Variants in IQSEC1 observed in about 807,000 individuals in gnomAD.
IQSEC1 encodes the protein IQ motif and Sec7 domain ArfGEF 1.
In IQSEC1, 31 loss-of-function variants were observed where a neutral mutation model predicts 91.0. The ratio of observed to expected loss-of-function variants is 0.34; its 90% CI spans 0.26 to 0.46. The LOEUF (loss-of-function observed/expected upper bound fraction) is 0.46, where lower values mean the gene tolerates loss of function less well. IQSEC1 is among the 20% of genes least tolerant of loss of function. The pLI is 1.00. For synonymous variants in IQSEC1, 699 were observed against 662.6 expected (o/e 1.05, Z -0.84); for missense variants, 1,388 against 1,575.6 (o/e 0.88, Z 2.02).
rs1213830618 is a variant in IQSEC1 at position 12,902,670 on chromosome 3, C to CAAAAAAAAAAAAA, written c.2805+90_2805+102dup. 67 of 192,636 alleles carry CAAAAAAAAAAAAA rather than the reference C, an allele frequency of 3.5e-4. 2 individuals carry two copies. Among genetic ancestry groups the CAAAAAAAAAAAAA allele is most frequent in the Admixed American group, 6.8e-4 (7 of 10,282 alleles). The allele number at this position is 192,636 out of a possible 1,614,324, so 11.9% of individuals were successfully genotyped here. On this transcript the variant is annotated intron_variant, in intron 13 of 13. Transcript: ENST00000613206. The stretch of plus-strand genomic sequence containing the variant: ...AAAAAAAAAACAACAAAAAAAAAAC[C>CAAAAAAAAAAAAA]AAAAAAAAAAAAAAAAAAAAAAAAC...
At chr3:13,164,522 A>C (rs998401641) in intron 1 of IQSEC1, among the ~76,000 whole-genome samples, 4 of 152,232 alleles carry the variant, frequency 2.6e-5, no homozygotes, top group Non-Finnish European at 5.9e-5. Flanking sequence ...TGAATGAATG[A>C]ATAAGTGAGA....
At chr3:13,038,600 G>T (rs1576201100) in intron 1 of IQSEC1, among the ~76,000 whole-genome samples, 1 of 151,992 alleles carries the variant, frequency 6.6e-6, no homozygotes, top group Non-Finnish European at 1.5e-5. Flanking sequence ...GCACAATAGG[G>T]TGACTATAGC....
chr3:13,262,535 C>A (rs893550631), intron 1 of IQSEC1, among the ~76,000 whole-genome samples: 2 of 152,188 alleles, frequency 1.3e-5, no homozygotes, highest in East Asian at 3.8e-4. Context: ...CCACATCACC[C>A]CAGCACCCAG....
At chr3:13,185,082 C>T (rs893188829) in intron 1 of IQSEC1, among the ~76,000 whole-genome samples, 1 of 152,130 alleles carries the variant, frequency 6.6e-6, no homozygotes, top group Non-Finnish European at 1.5e-5. Flanking sequence ...GAGGGTTTCC[C>T]ACTCCCACCC....
chr3:13,103,785 C>T lies in IQSEC1; in HGVS notation c.303-56263G>A, dbSNP rs1016778782. 5.5e-4 allele frequency among the ~76,000 whole-genome samples: 84 copies of T among 152,288 alleles called. 2 individuals are homozygous for T. Among genetic ancestry groups the T allele is most frequent in the Admixed American group, 1.0e-3 (16 of 15,298 alleles). ...GTATTCCATGTTGCCTACCACCCTA[C>T]GAGGGCAGGGGCTGTGTCTGCCTCC... is the stretch of plus-strand genomic sequence containing the variant. On this transcript the variant is annotated intron_variant, in intron 2 of 15. Transcript: ENST00000648114. This position sits in a 1 kb window ranked among gnomAD's most constrained non-coding sequence, Gnocchi z 4.1.
chr3:13,191,435 G>C (rs1694028125), intron 1 of IQSEC1, among the ~76,000 whole-genome samples: 1 of 147,998 alleles, frequency 6.8e-6, no homozygotes, highest in Admixed American at 6.7e-5. Context: ...GTGAGCACAT[G>C]TGTATTTCCA....
chr3:13,266,073 G>A (rs1014811390), intron 1 of IQSEC1, among the ~76,000 whole-genome samples: 4 of 151,756 alleles, frequency 2.6e-5, no homozygotes, highest in South Asian at 2.1e-4. Context: ...ACTATGGAGC[G>A]AGTGCTCCCA....
At chr3:12,911,397 A>G (rs1695539694) in intron 10 of IQSEC1, among the ~76,000 whole-genome samples, 2 of 152,264 alleles carry the variant, frequency 1.3e-5, no homozygotes, top group Admixed American at 1.3e-4. Flanking sequence ...AAGTACCAGT[A>G]AAAGCAAACT....
At chr3:13,244,888 T>C (rs1695082399) in intron 1 of IQSEC1, among the ~76,000 whole-genome samples, 1 of 152,100 alleles carries the variant, frequency 6.6e-6, no homozygotes, top group Non-Finnish European at 1.5e-5. Context: ...AGGGGGGTCA[T>C]GTGACACTCT....
chr3:13,001,204 G>A (rs546545418), intron 1 of IQSEC1, among the ~76,000 whole-genome samples: 5 of 151,994 alleles, frequency 3.3e-5, no homozygotes, highest in Non-Finnish European at 5.9e-5. Flanking sequence ...CAAGTGATCC[G>A]CCCACCTCAG....
At chr3:13,223,608 G>A (rs865838554) in intron 1 of IQSEC1, among the ~76,000 whole-genome samples, 34 of 152,192 alleles carry the variant, frequency 2.2e-4, no homozygotes, top group African/African-American at 7.2e-5. Flanking sequence ...AGGTCCTCGC[G>A]CGCCCACCTT....
intron 2 of IQSEC1, among the ~76,000 whole-genome samples, chr3:13,124,772 T>C (rs1192022904): frequency 9.0e-6 from 1 of 110,740 alleles, no homozygotes; most frequent in African/African-American, 5.4e-5. Context: ...TGGGAGCTCC[T>C]GGATCCCCCC....
chr3:13,068,676 G>C (rs560007463), intron 1 of IQSEC1, among the ~76,000 whole-genome samples: 1 of 152,102 alleles, frequency 6.6e-6, no homozygotes, highest in South Asian at 2.1e-4. Flanking sequence ...TCCTCCCTCT[G>C]TGGCCCAATC....
At chr3:13,085,402 C>T (rs988409062) in intron 2 of IQSEC1, among the ~76,000 whole-genome samples, 3 of 152,084 alleles carry the variant, frequency 2.0e-5, no homozygotes, top group Non-Finnish European at 4.4e-5. Context: ...ACGTGGAGGG[C>T]GGGGCTTCAT....
chr3:12,913,324 C>G, intron 9 of IQSEC1, 104 bp downstream of exon 9: 1 of 1,284,034 alleles, frequency 7.8e-7, no homozygotes, highest in South Asian at 1.3e-5. Flanking sequence ...CTCCCTTTTG[C>G]ACCCCCACAT....
In IQSEC1 at chr3:12,908,269, A is replaced by T. The variant is rs1695200436; in HGVS notation, c.2755+80T>A. 7 of 1,470,432 alleles carry T rather than the reference A, an allele frequency of 4.8e-6. No homozygotes were observed. The South Asian group carries it at 8.4e-5, about 18-fold the overall frequency. The allele number at this position is 1,470,432 out of a possible 1,614,324, so 91.1% of individuals were successfully genotyped here. On this transcript the variant is annotated intron_variant, in intron 12 of 13. Coordinates refer to ENST00000613206, the MANE Select transcript of IQSEC1 (RefSeq NM_001134382.3). The surrounding 1 kb of genome is among the most constrained non-coding windows in gnomAD (Gnocchi z 4.9). The stretch of plus-strand genomic sequence containing the variant: ...TTCGCCGCAGGCCCTGCCCCGCGTG[A>T]TGCATGCCCTGAATGCAGACGCCCT...
intron 1 of IQSEC1, among the ~76,000 whole-genome samples, chr3:13,010,563 G>C (rs1453893407): frequency 6.6e-6 from 1 of 152,204 alleles, no homozygotes; most frequent in Non-Finnish European, 1.5e-5. Flanking sequence ...AAGAGAAAAA[G>C]AGGCCGGCGT....
At chr3:13,145,560 G>A (rs1269126608) in intron 2 of IQSEC1, among the ~76,000 whole-genome samples, 1 of 152,122 alleles carries the variant, frequency 6.6e-6, no homozygotes, top group Non-Finnish European at 1.5e-5. Flanking sequence ...GCCCCAGCCA[G>A]TCTCAAGCAG....
intron 1 of IQSEC1, among the ~76,000 whole-genome samples, chr3:13,198,760 C>T (rs903634562): frequency 5.3e-5 from 8 of 152,224 alleles, no homozygotes; most frequent in Non-Finnish European, 1.2e-4. Flanking sequence ...GCTAAGCCTC[C>T]ACCCAAAGCA....
Sources: allele counts gnomAD v4.1 joint callset (sites outside exome capture counted in the v4.1 genomes callset), GRCh38; gene constraint gnomAD v4.1.1; non-coding constraint Gnocchi (gnomAD v3.1); transcripts MANE v1.5; gene names NCBI Gene and HGNC (gene_info 2026-07-23, HGNC 2026-07-21).